Variants in THOP1 observed in about 807,000 individuals in gnomAD.
The protein encoded by THOP1 is thimet oligopeptidase.
In THOP1, 49 loss-of-function variants were observed where a neutral mutation model predicts 71.8. The ratio of observed to expected loss-of-function variants is 0.68; its 90% CI spans 0.54 to 0.87. The LOEUF is 0.87. THOP1 is among the 40% of genes least tolerant of loss of function. THOP1 has a pLI of 0.00. For missense variants in THOP1, 843 were observed against 975.6 expected (o/e 0.86, Z 1.81); for synonymous variants, 426 against 421.5 (o/e 1.01, Z -0.13).
intron 5 of THOP1, among the ~76,000 whole-genome samples, chr19:2,803,867 T>C (rs1006783715): frequency 7.2e-5 from 11 of 152,078 alleles, no homozygotes; most frequent in Non-Finnish European, 1.6e-4. Context: ...ACCGGATCAT[T>C]CTTTCCACCC....
intron 6 of THOP1, chr19:2,806,616 T>G (rs1599529751): frequency 4.8e-6 from 2 of 419,568 alleles, no homozygotes; most frequent in South Asian, 3.2e-5. Flanking sequence ...GACATGGAGG[T>G]GTCCCCACAT....
At chr19:2,787,303 G>T (rs545644427) in intron 1 of THOP1, among the ~76,000 whole-genome samples, 2 of 152,150 alleles carry the variant, frequency 1.3e-5, no homozygotes, top group African/African-American at 4.8e-5. Context: ...AGCCCATTGC[G>T]ATGAGGGTGA....
chr19:2,802,702 A>C (rs935531562), intron 5 of THOP1, among the ~76,000 whole-genome samples: 2 of 152,204 alleles, frequency 1.3e-5, no homozygotes, highest in African/African-American at 4.8e-5. Flanking sequence ...CATCACTCGC[A>C]CATTGTCATA....
At position 2,813,257 on chromosome 19, in the gene THOP1, C is replaced by T. The variant is rs201634731; in HGVS notation, c.2051C>T (p.Pro684Leu). 131 of 1,609,822 alleles carry T rather than the reference C, an allele frequency of 8.1e-5. No homozygotes were observed. Among genetic ancestry groups the T allele is most frequent in the South Asian group, 6.4e-4 (58 of 90,856 alleles). The change falls in exon 13 of 13, where the codon CCC (proline) becomes CTC (leucine). Residue 684 changes from proline to leucine, a missense_variant. Pro to Leu is a moderately conservative substitution (Grantham distance 98). Transcript: ENST00000307741. ...SKGLQVGGCE[P>L]EPQVC The stretch of plus-strand genomic sequence containing the variant: ...GGGCTGCAGGTCGGGGGCTGCGAGC[C>T]CGAGCCGCAGGTCTGCTGAGGCCTG...
chr19:2,796,230 C>G (rs144604459), intron 4 of THOP1, 42 bp downstream of exon 4: 1 of 1,495,758 alleles, frequency 6.7e-7, no homozygotes, highest in Non-Finnish European at 9.2e-7. Flanking sequence ...GGGCAATGGT[C>G]GATCCCGGGG....
At chr19:2,795,746 T>C (rs1229007430) in intron 3 of THOP1, among the ~76,000 whole-genome samples, 1 of 152,178 alleles carries the variant, frequency 6.6e-6, no homozygotes, top group Non-Finnish European at 1.5e-5. Flanking sequence ...TTGCCAACTT[T>C]GCCCAGGTCC....
At chr19:2,794,715 G>T in intron 2 of THOP1, 49 bp from the exon 3 acceptor site, 2 of 1,580,588 alleles carry the variant, frequency 1.3e-6, no homozygotes, top group Non-Finnish European at 1.7e-6. Context: ...CCTGCCAGTT[G>T]TACTGGGGCC....
intron 10 of THOP1, 73 bp downstream of exon 10, chr19:2,810,563 C>A: frequency 6.6e-7 from 1 of 1,524,800 alleles, no homozygotes. Flanking sequence ...GCATGTGCCC[C>A]GGGTGGGGGT....
At chr19:2,811,505 C>A in intron 11 of THOP1, 93 bp from the exon 12 acceptor site, 1 of 1,494,344 alleles carries the variant, frequency 6.7e-7, no homozygotes, top group Non-Finnish European at 9.0e-7. Context: ...CTGTTCCGGG[C>A]AGGGGTCTCA....
At chr19:2,792,234 T>C (rs1915901870) in intron 2 of THOP1, among the ~76,000 whole-genome samples, 1 of 152,230 alleles carries the variant, frequency 6.6e-6, no homozygotes, top group South Asian at 2.1e-4. Context: ...GCTTTTTTGT[T>C]GTTTTTTTGA....
At chr19:2,812,191 A>G in intron 12 of THOP1, 1 of 1,500,746 alleles carries the variant, frequency 6.7e-7, no homozygotes. Context: ...TGCTCCTCCA[A>G]CCTCCAGTTT....
At chr19:2,793,588 G>T (rs1239261473) in intron 2 of THOP1, among the ~76,000 whole-genome samples, 1 of 151,882 alleles carries the variant, frequency 6.6e-6, no homozygotes, top group African/African-American at 2.4e-5. Context: ...TACTCGGGAG[G>T]CCGAGGCAGG....
chr19:2,812,450 G>T, intron 12 of THOP1: 2 of 1,387,938 alleles, frequency 1.4e-6, no homozygotes, highest in Non-Finnish European at 1.9e-6. Flanking sequence ...GGGAGCAATG[G>T]TCCGACAAGC....
rs940135538 is a variant in THOP1 at position 2,801,003 on chromosome 19, A to G, written c.589+1212A>G. Among the ~76,000 whole-genome samples the G allele has an allele frequency of 6.6e-6, 1 of 152,206 alleles. No homozygotes were observed. Among genetic ancestry groups the G allele is most frequent in the Non-Finnish European group, 1.5e-5 (1 of 68,046 alleles). On this transcript the variant is annotated intron_variant, in intron 5 of 12. Coordinates refer to ENST00000307741, the MANE Select transcript of THOP1 (RefSeq NM_003249.5). This position sits in a 1 kb window ranked among gnomAD's most constrained non-coding sequence, Gnocchi z 5.1. ...TGAGGAAACAAAAGCTTCTCATTGC[A>G]AGTGACTCCCAAGGAGACTGGGCGT... is the stretch of plus-strand genomic sequence containing the variant.
At chr19:2,807,319 C>A in intron 7 of THOP1, 123 bp from the exon 8 acceptor site, 1 of 1,412,124 alleles carries the variant, frequency 7.1e-7, no homozygotes, top group Non-Finnish European at 9.3e-7. Flanking sequence ...GAGGGGTTGC[C>A]GGGAACTGCG....
chr19:2,813,626 C>A lies in THOP1; in HGVS notation c.*350C>A. ...AGAGGCTCCCTGGCCTGGTCACTGG[C>A]TCCTGCGCTTTTTTGGTCCGAGGAC... is the stretch of plus-strand genomic sequence containing the variant. On this transcript the variant is annotated 3_prime_UTR_variant, in exon 13 of 13. Coordinates refer to ENST00000307741, the MANE Select transcript of THOP1 (RefSeq NM_003249.5). 1 of 217,838 alleles carries A rather than the reference C, an allele frequency of 4.6e-6. No homozygotes were observed. Among genetic ancestry groups the A allele is most frequent in the Non-Finnish European group, 9.0e-6 (1 of 110,660 alleles). 13.5% of individuals were successfully genotyped at this position (217,838 alleles called of 1,614,324 possible). A position where few individuals can be genotyped will look rare whatever the true frequency, so the allele number is the denominator to read the frequency against.
intron 4 of THOP1, among the ~76,000 whole-genome samples, chr19:2,798,535 G>A (rs147227138): frequency 1.1e-3 from 164 of 152,354 alleles, no homozygotes; most frequent in Middle Eastern, 3.4e-3. Flanking sequence ...TAGGGCCAGC[G>A]CTGTGTGCTC....
At position 2,790,632 on chromosome 19, in the gene THOP1, A is replaced by G; in HGVS notation, c.228A>G (p.Thr76=). The G allele has an allele frequency of 2.6e-6, 4 of 1,549,516 alleles. No homozygotes were observed. Among genetic ancestry groups the G allele is most frequent in the Non-Finnish European group, 3.5e-6 (4 of 1,148,974 alleles). The change falls in exon 2 of 13, where the codon ACA becomes ACG. Residue 76 remains threonine (T), a splice_region_variant and synonymous_variant. Transcript: ENST00000307741. ...TGGCCGATGTGGAGGTCACCTACACAGGTAAGTCCCAGGCAGGGTCTGTGC... is the reference window on the plus strand; with the variant it reads ...TGGCCGATGTGGAGGTCACCTACACGGGTAAGTCCCAGGCAGGGTCTGTGC... The part of the protein sequence containing the change: ...KALADVEVTY[T]VQRNILDFPQ...
chr19:2,798,327 C>T (rs1916066331), intron 4 of THOP1, among the ~76,000 whole-genome samples: 1 of 152,132 alleles, frequency 6.6e-6, no homozygotes, highest in Non-Finnish European at 1.5e-5. Flanking sequence ...CACTGTACCA[C>T]AGTTATTTTT....
Sources: gnomAD v4.1 joint callset for allele counts (sites outside exome capture counted in the v4.1 genomes callset) on GRCh38, gnomAD v4.1.1 for gene constraint, Gnocchi (gnomAD v3.1) non-coding constraint, MANE v1.5 for transcripts, NCBI Gene and HGNC (gene_info 2026-07-23, HGNC 2026-07-21) for gene names.